The following KLRD1 variants were observed in gnomAD, a reference collection of about 807,000 sequenced individuals.
The protein encoded by KLRD1 is killer cell lectin like receptor D1.
A neutral mutation model predicts 22.6 loss-of-function variants in KLRD1; 21 were observed. The observed-to-expected ratio is 0.93, with a 90% CI of 0.66 to 1.34. The LOEUF (loss-of-function observed/expected upper bound fraction) is 1.34, where lower values mean the gene tolerates loss of function less well. KLRD1 is among the 40% of genes most tolerant of loss of function. The probability of loss-of-function intolerance (pLI) is 0.00; values close to 1 mark genes in which losing one functional copy is unlikely to be tolerated. For missense variants in KLRD1, 183 were observed against 208.6 expected (o/e 0.88, Z 0.76); for synonymous variants, 59 against 71.1 (o/e 0.83, Z 0.85).
chr12:10,246,427 G>A (rs1323218910), intron 1 of KLRD1, among the ~76,000 whole-genome samples: 1 of 152,114 alleles, frequency 6.6e-6, no homozygotes, highest in Non-Finnish European at 1.5e-5. Context: ...TATAGATGAA[G>A]TGTGTATAAC....
At chr12:10,270,837 G>A (rs1275538487) in intron 1 of KLRD1, among the ~76,000 whole-genome samples, 8 of 150,428 alleles carry the variant, frequency 5.3e-5, no homozygotes, top group Non-Finnish European at 1.2e-4. Context: ...AGGCTGGAGT[G>A]CAGTGGCGTG....
At chr12:10,312,982 C>A (rs11053741) in intron 4 of KLRD1, among the ~76,000 whole-genome samples, 8,373 of 151,288 alleles carry the variant, frequency 0.055, 318 homozygotes, top group East Asian at 0.15. Context: ...GCAAGACTCC[C>A]TCTCAACAAA....
chr12:10,311,195 TG>T (rs1592087475), intron 3 of KLRD1, among the ~76,000 whole-genome samples: 1 of 152,202 alleles, frequency 6.6e-6, no homozygotes, highest in Non-Finnish European at 1.5e-5. Flanking sequence ...TTAATTTTTT[TG>T]TACTTATCTA....
upstream of KLRD1, among the ~76,000 whole-genome samples, chr12:10,299,957 C>A (rs1286232457): frequency 6.6e-6 from 1 of 152,192 alleles, no homozygotes; most frequent in Non-Finnish European, 1.5e-5. Context: ...CGTTTTCTCA[C>A]AAGATTGCTG....
intron 1 of KLRD1, among the ~76,000 whole-genome samples, chr12:10,297,699 C>T (rs928293981): frequency 3.9e-5 from 6 of 152,104 alleles, no homozygotes; most frequent in Non-Finnish European, 8.8e-5. Flanking sequence ...CTCTTCTAAC[C>T]AAACACTGGA....
chr12:10,264,477 C>T (rs1009440024), intron 1 of KLRD1, among the ~76,000 whole-genome samples: 1 of 145,328 alleles, frequency 6.9e-6, no homozygotes, highest in Non-Finnish European at 1.5e-5. Context: ...CTACAAAACA[C>T]AGCTTCGCTC....
At chr12:10,310,721 G>T (rs990265393) in intron 3 of KLRD1, among the ~76,000 whole-genome samples, 9 of 152,128 alleles carry the variant, frequency 5.9e-5, no homozygotes, top group Non-Finnish European at 1.3e-4. Context: ...GGAGGCGGAG[G>T]TTGAAGGGAG....
At chr12:10,313,337 C>A in intron 4 of KLRD1, 73 bp from the exon 5 acceptor site, 4 of 811,244 alleles carry the variant, frequency 4.9e-6, no homozygotes, top group South Asian at 2.0e-5. Context: ...TAAACACTGA[C>A]TTTCCCTCAA....
intron 1 of KLRD1, among the ~76,000 whole-genome samples, chr12:10,251,175 A>T (rs766647866): frequency 6.6e-6 from 1 of 152,026 alleles, no homozygotes; most frequent in Non-Finnish European, 1.5e-5. Context: ...CCCAGGCTGG[A>T]GTGCAGTGGT....
At chr12:10,259,371 C>CAA (rs763693926) in intron 1 of KLRD1, among the ~76,000 whole-genome samples, 55 of 152,120 alleles carry the variant, frequency 3.6e-4, no homozygotes, top group Non-Finnish European at 1.0e-4. Flanking sequence ...TTCTGAAAGT[C>CAA]ATAATATTCA....
upstream of KLRD1, among the ~76,000 whole-genome samples, chr12:10,306,496 A>G (rs759163149): frequency 3.9e-4 from 59 of 152,198 alleles, 1 homozygote; most frequent in Non-Finnish European, 7.6e-4. Context: ...TCCCTATTGC[A>G]CATTCTGTCA....
At chr12:10,265,336 C>A (rs545798036) in intron 1 of KLRD1, among the ~76,000 whole-genome samples, 1 of 152,154 alleles carries the variant, frequency 6.6e-6, no homozygotes, top group Non-Finnish European at 1.5e-5. Flanking sequence ...ATAAACTTAT[C>A]ATGTGAAATT....
At chr12:10,255,822 T>A (rs1949390220) in intron 1 of KLRD1, among the ~76,000 whole-genome samples, 1 of 152,288 alleles carries the variant, frequency 6.6e-6, no homozygotes, top group Non-Finnish European at 1.5e-5. Context: ...TTGGTTGGAA[T>A]ATTCCATATG....
chr12:10,239,589 C>CTT (rs1565443549), intron 1 of KLRD1, among the ~76,000 whole-genome samples: 41 of 107,872 alleles, frequency 3.8e-4, no homozygotes, highest in African/African-American at 1.3e-3. Context: ...CTTTCTTTTT[C>CTT]TTTCTTTCTT....
At chr12:10,308,434 T>TTTAA in intron 1 of KLRD1, 1 of 258,766 alleles carries the variant, frequency 3.9e-6, no homozygotes, top group Non-Finnish European at 7.5e-6. Flanking sequence ...CTGAAAAGGT[T>TTTAA]TTAATTGACT....
intron 1 of KLRD1, among the ~76,000 whole-genome samples, chr12:10,239,525 T>TTCTTTCTCTC (rs746968078): frequency 1.5e-4 from 7 of 45,916 alleles, no homozygotes; most frequent in African/African-American, 4.0e-4. Flanking sequence ...TCCCCTTTCT[T>TTCTTTCTCTC]TCTTTCTTTC....
Position 10,314,805 on chromosome 12 carries a change from G to A in KLRD1, c.*12G>A. ...AACAGCTCATTTAAATGTTTCTTGG[G>A]GCAGAGAAGGTGGAGAGTAAAGACC... On this transcript the variant is annotated 3_prime_UTR_variant, in exon 6 of 6. Coordinates refer to ENST00000336164, the MANE Select transcript of KLRD1 (RefSeq NM_002262.5). The A allele has an allele frequency of 6.2e-7, 1 of 1,600,078 alleles. No individual in the cohort carries two copies. Among genetic ancestry groups the A allele is most frequent in the Non-Finnish European group, 8.5e-7 (1 of 1,175,890 alleles).
intron 1 of KLRD1, among the ~76,000 whole-genome samples, chr12:10,276,792 C>G (rs2137649718): frequency 6.6e-6 from 1 of 152,114 alleles, no homozygotes; most frequent in Non-Finnish European, 1.5e-5. Context: ...AGTTTGACCT[C>G]TATCCTCAGA....
chr12:10,239,607 CTT>C (rs1170629134), intron 1 of KLRD1, among the ~76,000 whole-genome samples: 3 of 137,500 alleles, frequency 2.2e-5, no homozygotes, highest in African/African-American at 8.2e-5. Flanking sequence ...CTTTCTCTCT[CTT>C]TCTTTCTTCT....
Sources: gnomAD v4.1 joint callset for allele counts (sites outside exome capture counted in the v4.1 genomes callset) on GRCh38, gnomAD v4.1.1 for gene constraint, MANE v1.5 for transcripts, NCBI Gene and HGNC (gene_info 2026-07-23, HGNC 2026-07-21) for gene names.